NRXN1: variants seen among roughly 807,000 people sequenced by gnomAD.
NRXN1 encodes the protein neurexin 1.
In NRXN1, 39 loss-of-function variants were observed where a neutral mutation model predicts 150.9. The observed-to-expected ratio is 0.26, with a 90% CI of 0.20 to 0.34. NRXN1 has a LOEUF of 0.34. NRXN1 is among the 10% of genes least tolerant of loss of function. The pLI, the probability that NRXN1 is intolerant of heterozygous loss-of-function variation, is 1.00. For missense variants in NRXN1, 1,815 were observed against 1,949.9 expected, an observed-to-expected ratio of 0.93 and a Z score of 1.30; for synonymous variants, 924 against 757.0, an observed-to-expected ratio of 1.22 and a Z score of -3.62.
chr2:50,732,761 T>C (rs1223088571), intron 5 of NRXN1, among the ~76,000 whole-genome samples: 6 of 152,174 alleles, frequency 3.9e-5, no homozygotes, highest in African/African-American at 1.4e-4. Flanking sequence ...ACCACTTCTA[T>C]GTACTATATC....
At chr2:50,606,412 G>T (rs905380458) in intron 8 of NRXN1, among the ~76,000 whole-genome samples, 1 of 151,816 alleles carries the variant, frequency 6.6e-6, no homozygotes, top group Non-Finnish European at 1.5e-5. Context: ...TAGAAGCAAA[G>T]AATAGAATTG....
chr2:50,840,012 A>G (rs1228936516), intron 5 of NRXN1, among the ~76,000 whole-genome samples: 3 of 152,156 alleles, frequency 2.0e-5, no homozygotes, highest in African/African-American at 4.8e-5. Context: ...CTTCTAATAA[A>G]TAAGAGGACA....
intron 5 of NRXN1, among the ~76,000 whole-genome samples, chr2:50,716,953 C>T (rs1413410528): frequency 1.3e-5 from 2 of 152,062 alleles, no homozygotes. Flanking sequence ...TGGCTAAATA[C>T]TTATTTATTG....
chr2:50,393,885 T>C (rs1325354506), intron 17 of NRXN1, among the ~76,000 whole-genome samples: 3 of 151,934 alleles, frequency 2.0e-5, no homozygotes, highest in African/African-American at 4.8e-5. Flanking sequence ...AATCAACAGG[T>C]GTCATCTCCA....
At chr2:50,141,588 G>A (rs1291343044) in intron 18 of NRXN1, among the ~76,000 whole-genome samples, 1 of 151,884 alleles carries the variant, frequency 6.6e-6, no homozygotes, top group Non-Finnish European at 1.5e-5. Context: ...GAATAAACAA[G>A]GAGCTGAAAC....
intron 5 of NRXN1, among the ~76,000 whole-genome samples, chr2:50,772,804 G>A (rs1703167903): frequency 1.3e-5 from 2 of 152,108 alleles, no homozygotes; most frequent in African/African-American, 4.8e-5. Context: ...AAAGGGAGGT[G>A]CTTACACTGC....
At chr2:50,901,510 C>G (rs9679169) in intron 5 of NRXN1, among the ~76,000 whole-genome samples, 12,652 of 152,112 alleles carry the variant, frequency 0.083, 584 homozygotes, top group South Asian at 0.12. Context: ...GCACTCCAGC[C>G]TGGGTGACAG....
chr2:51,002,729 T>C (rs1188679171), intron 2 of NRXN1, among the ~76,000 whole-genome samples: 1 of 151,952 alleles, frequency 6.6e-6, no homozygotes, highest in Non-Finnish European at 1.5e-5. Context: ...TTTGAAGTGT[T>C]ATTTTCTTTG....
At chr2:50,666,021 C>T (rs1481367032) in intron 5 of NRXN1, among the ~76,000 whole-genome samples, 2 of 152,042 alleles carry the variant, frequency 1.3e-5, no homozygotes, top group African/African-American at 4.8e-5. Flanking sequence ...TCACCCCATA[C>T]ATTTTTCGAG....
chr2:50,254,693 A>G (rs1309991479), intron 17 of NRXN1, among the ~76,000 whole-genome samples: 1 of 152,162 alleles, frequency 6.6e-6, no homozygotes, highest in Non-Finnish European at 1.5e-5. Context: ...ATAAAAAAAT[A>G]TAACTTTGGT....
intron 8 of NRXN1, among the ~76,000 whole-genome samples, chr2:50,612,529 C>T (rs897703661): frequency 6.6e-6 from 1 of 152,170 alleles, no homozygotes; most frequent in Non-Finnish European, 1.5e-5. Flanking sequence ...GGGTAACTCA[C>T]TGGATGTTGT....
At chr2:50,077,307 T>A (rs1697265622) in intron 19 of NRXN1, among the ~76,000 whole-genome samples, 1 of 152,296 alleles carries the variant, frequency 6.6e-6, no homozygotes, top group East Asian at 1.9e-4. Context: ...TTCACCCCAA[T>A]GCTGGCGCAA....
chr2:50,314,986 A>AT (rs2075477680), intron 17 of NRXN1, among the ~76,000 whole-genome samples: 1 of 151,748 alleles, frequency 6.6e-6, no homozygotes, highest in Non-Finnish European at 1.5e-5. Context: ...TATTCTGATT[A>AT]TTTTTTCTTA....
Position 50,866,030 on chromosome 2 carries a change from C to G in NRXN1, c.832+55839G>C, listed in dbSNP as rs183497722. On this transcript the variant is annotated intron_variant, in intron 5 of 22. Coordinates refer to ENST00000401669, the MANE Select transcript of NRXN1 (RefSeq NM_001330078.2). ...CTAGAATTTTTCATGTTTTTTCTTT[C>G]CTAATACCAGCTACCTCCCACCATT... 5.4e-4 allele frequency among the ~76,000 whole-genome samples: 82 copies of G among 151,836 alleles called. 1 individual carries two copies. Among genetic ancestry groups the G allele is most frequent in the African/African-American group, 1.8e-3 (76 of 41,488 alleles).
chr2:50,310,231 C>A (rs1474645941), intron 17 of NRXN1, among the ~76,000 whole-genome samples: 3 of 152,182 alleles, frequency 2.0e-5, no homozygotes, highest in African/African-American at 7.2e-5. Context: ...TCACTTCTTT[C>A]ATTTCTTGGA....
intron 5 of NRXN1, among the ~76,000 whole-genome samples, chr2:50,832,912 T>TA (rs1671616002): frequency 6.6e-6 from 1 of 152,158 alleles, no homozygotes; most frequent in Non-Finnish European, 1.5e-5. Flanking sequence ...TATTTTCAAA[T>TA]CACAAATCTG....
intron 5 of NRXN1, among the ~76,000 whole-genome samples, chr2:50,818,797 T>TA (rs1223818349): frequency 7.2e-5 from 11 of 151,896 alleles, no homozygotes; most frequent in Non-Finnish European, 1.6e-4. Context: ...CCAAAATATA[T>TA]AAAAAACTCC....
At chr2:50,954,846 T>C (rs1692007925) in intron 2 of NRXN1, among the ~76,000 whole-genome samples, 2 of 152,168 alleles carry the variant, frequency 1.3e-5, no homozygotes, top group Non-Finnish European at 2.9e-5. Flanking sequence ...AATGGCAACA[T>C]GAGAGACTTG....
At chr2:50,542,358 C>T (rs1260331108) in intron 9 of NRXN1, among the ~76,000 whole-genome samples, 2 of 152,070 alleles carry the variant, frequency 1.3e-5, no homozygotes, top group African/African-American at 4.8e-5. Context: ...GGATATAATC[C>T]TACCTTTAAT....
Sources: allele counts gnomAD v4.1 joint callset (sites outside exome capture counted in the v4.1 genomes callset), GRCh38; gene constraint gnomAD v4.1.1; transcripts MANE v1.5; gene names NCBI Gene and HGNC (gene_info 2026-07-23, HGNC 2026-07-21).